Variants in TMEM178B observed in about 807,000 individuals in gnomAD.
TMEM178B encodes the protein transmembrane protein 178B.
A neutral mutation model predicts 31.0 loss-of-function variants in TMEM178B; 5 were observed. That is an observed-to-expected ratio of 0.16 (90% CI 0.08 to 0.34). TMEM178B has a LOEUF of 0.34. TMEM178B is among the 10% of genes least tolerant of loss of function. TMEM178B has a pLI of 1.00. For synonymous variants in TMEM178B, 164 were observed against 164.0 expected (o/e 1.00, Z 0.00); for missense variants, 275 against 400.3 (o/e 0.69, Z 2.67).
chr7:141,194,703 C>T (rs1041167001), intron 1 of TMEM178B, among the ~76,000 whole-genome samples: 6 of 152,182 alleles, frequency 3.9e-5, no homozygotes, highest in African/African-American at 9.7e-5. Context: ...CTCCACTAGG[C>T]GTGCCCCAGT....
At chr7:141,160,169 G>A (rs9691840) in intron 1 of TMEM178B, among the ~76,000 whole-genome samples, 110,046 of 151,682 alleles carry the variant, frequency 0.73, 40,547 homozygotes, top group African/African-American at 0.84. Context: ...AGCAGTGTAC[G>A]CTGTACCCAA....
intron 1 of TMEM178B, among the ~76,000 whole-genome samples, chr7:141,139,612 G>A (rs1795734342): frequency 1.3e-5 from 2 of 152,102 alleles, no homozygotes; most frequent in African/African-American, 4.8e-5. Context: ...AAAGTGCTGG[G>A]ACTACAGGGA....
chr7:141,271,785 G>C (rs111377874), intron 2 of TMEM178B, among the ~76,000 whole-genome samples: 278 of 152,286 alleles, frequency 1.8e-3, no homozygotes, highest in Non-Finnish European at 2.6e-3. Context: ...TGCTTCACTT[G>C]TATCATCTCC....
intron 2 of TMEM178B, among the ~76,000 whole-genome samples, chr7:141,336,268 G>A (rs973868646): frequency 6.6e-6 from 1 of 152,002 alleles, no homozygotes; most frequent in Non-Finnish European, 1.5e-5. Context: ...CTGCATTCTG[G>A]TCCTAACTCC....
intron 1 of TMEM178B, among the ~76,000 whole-genome samples, chr7:141,104,965 C>T (rs1795118083): frequency 6.6e-6 from 1 of 152,128 alleles, no homozygotes. Context: ...CATAACATGG[C>T]CTGAAAGTCA....
chr7:141,454,693 T>C (rs945587644), intron 3 of TMEM178B, among the ~76,000 whole-genome samples: 3 of 151,838 alleles, frequency 2.0e-5, no homozygotes, highest in African/African-American at 7.3e-5. Flanking sequence ...ATTCAAACGT[T>C]CCCTCCTAAA....
intron 2 of TMEM178B, among the ~76,000 whole-genome samples, chr7:141,305,418 C>G (rs1184379633): frequency 6.6e-6 from 1 of 152,046 alleles, no homozygotes; most frequent in African/African-American, 2.4e-5. Flanking sequence ...AGATTAGGCC[C>G]TGTGCTTTTC....
intron 2 of TMEM178B, among the ~76,000 whole-genome samples, chr7:141,237,638 A>G (rs1181960304): frequency 6.6e-6 from 1 of 152,068 alleles, no homozygotes; most frequent in Non-Finnish European, 1.5e-5. Flanking sequence ...TCCTTTCAAG[A>G]TTTTTTTTGT....
chr7:141,357,451 A>G (rs903833647), intron 2 of TMEM178B, among the ~76,000 whole-genome samples: 2 of 152,220 alleles, frequency 1.3e-5, no homozygotes, highest in Non-Finnish European at 2.9e-5. Context: ...AGCATAGATC[A>G]TTGTCTTTCT....
At chr7:141,174,262 G>A (rs537763686) in intron 1 of TMEM178B, among the ~76,000 whole-genome samples, 145 of 152,138 alleles carry the variant, frequency 9.5e-4, no homozygotes, top group Non-Finnish European at 1.8e-3. Flanking sequence ...GGTTTCCAGC[G>A]TCATCCATGT....
chr7:141,279,600 C>T lies in TMEM178B; in HGVS notation c.496+66896C>T, dbSNP rs571824948. Among the ~76,000 whole-genome samples, 434 of 152,296 alleles carry T rather than the reference C, an allele frequency of 2.8e-3. 1 individual carries two copies. The highest frequency in any genetic ancestry group is 4.2e-3 in the Non-Finnish European group (287 of 68,022). ...CTTTGTTCTAGGCAAAGTAACTGTT[C>T]CCTTAGCAAGGCAAAATCTAGCAAG... On this transcript the variant is annotated intron_variant, in intron 2 of 3. Coordinates refer to ENST00000565468, the MANE Select transcript of TMEM178B (RefSeq NM_001195278.2).
intron 1 of TMEM178B, among the ~76,000 whole-genome samples, chr7:141,080,486 G>T (rs1207097399): frequency 6.6e-6 from 1 of 152,212 alleles, no homozygotes. Flanking sequence ...TGGGTGTGGT[G>T]GCGCATGCCT....
At chr7:141,143,741 T>C (rs1795810352) in intron 1 of TMEM178B, among the ~76,000 whole-genome samples, 1 of 152,206 alleles carries the variant, frequency 6.6e-6, no homozygotes, top group Non-Finnish European at 1.5e-5. Context: ...AGTTTTTTTC[T>C]AGTCTGCGAA....
chr7:141,367,666 T>C (rs1563163402), intron 2 of TMEM178B, among the ~76,000 whole-genome samples: 1 of 152,312 alleles, frequency 6.6e-6, no homozygotes, highest in Middle Eastern at 3.4e-3. Context: ...AAGATCTTAT[T>C]GGTCAATACA....
chr7:141,192,494 T>C (rs1300041221), intron 1 of TMEM178B, among the ~76,000 whole-genome samples: 1 of 147,000 alleles, frequency 6.8e-6, no homozygotes, highest in African/African-American at 2.5e-5. Context: ...AGCGGTCTTT[T>C]TTTTTTTTTT....
In TMEM178B at chr7:141,454,087, T is replaced by G. The variant is rs559713428; in HGVS notation, c.634+16342T>G. On this transcript the variant is annotated intron_variant, in intron 3 of 3. Coordinates refer to ENST00000565468, the MANE Select transcript of TMEM178B (RefSeq NM_001195278.2). ...TCTCTTCTTGAAGTTTCTGCCACAC[T>G]CCCAGGCACAATTTATTTAAAATAA... Among the ~76,000 whole-genome samples, 14 of 152,106 alleles carry G rather than the reference T, an allele frequency of 9.2e-5. No individual in the cohort carries two copies. In the East Asian group the frequency reaches 2.5e-3, roughly 27 times the overall value.
the TMEM178B span, among the ~76,000 whole-genome samples, chr7:141,489,775 GGATTAGATGAGGGCTCAA>G: frequency 1.3e-5 from 2 of 152,124 alleles, no homozygotes; most frequent in Admixed American, 1.3e-4. Context: ...TGAGGTGTAG[GGATTAGATGAGGGCTCAA>G]GATTTTTGCA....
chr7:141,329,653 T>TAATA (rs939263175), intron 2 of TMEM178B, among the ~76,000 whole-genome samples: 29 of 152,264 alleles, frequency 1.9e-4, no homozygotes, highest in Non-Finnish European at 2.4e-4. Context: ...GAACATTTTA[T>TAATA]AATAGCCACT....
intron 2 of TMEM178B, among the ~76,000 whole-genome samples, chr7:141,314,633 C>T (rs1385133380): frequency 6.6e-6 from 1 of 152,204 alleles, no homozygotes; most frequent in Non-Finnish European, 1.5e-5. Context: ...CATCCTCATT[C>T]ATCTTTCCTA....
Sources: gnomAD v4.1 joint callset for allele counts (sites outside exome capture counted in the v4.1 genomes callset) on GRCh38, gnomAD v4.1.1 for gene constraint, MANE v1.5 for transcripts, NCBI Gene and HGNC (gene_info 2026-07-23, HGNC 2026-07-21) for gene names.